Variants in CSMD1 observed in about 807,000 individuals in gnomAD.
CSMD1 encodes CUB and Sushi multiple domains 1.
In CSMD1, 213 loss-of-function variants were observed where a neutral mutation model predicts 417.5. The ratio of observed to expected loss-of-function variants is 0.51; its 90% CI spans 0.46 to 0.57. The LOEUF (loss-of-function observed/expected upper bound fraction) is 0.57, where lower values mean the gene tolerates loss of function less well. Among genes scored for constraint, CSMD1 ranks in the 20% least tolerant of loss-of-function variants. CSMD1 has a pLI of 0.00. For synonymous variants in CSMD1, 2,862 were observed against 1,736.8 expected, an observed-to-expected ratio of 1.65 and a Z score of -16.11; for missense variants, 6,923 against 4,529.7, an observed-to-expected ratio of 1.53 and a Z score of -15.17.
intron 12 of CSMD1, among the ~76,000 whole-genome samples, chr8:3,439,314 T>TTTTTTC (rs1814813365): frequency 7.4e-6 from 1 of 135,104 alleles, no homozygotes; most frequent in African/African-American, 2.8e-5. Flanking sequence ...TATATATTTT[T>TTTTTTC]TTTTTTAATA....
chr8:2,999,889 G>C (rs1807246107), intron 53 of CSMD1, 69 bp downstream of exon 53: 1 of 1,387,776 alleles, frequency 7.2e-7, no homozygotes, highest in Non-Finnish European at 9.9e-7. Flanking sequence ...TGTATATTGT[G>C]ACCTAATAAC....
At chr8:4,815,493 C>G (rs571856613) in intron 1 of CSMD1, among the ~76,000 whole-genome samples, 19 of 151,620 alleles carry the variant, frequency 1.3e-4, no homozygotes, top group Non-Finnish European at 2.5e-4. Flanking sequence ...GTCAGGAGAT[C>G]GAGACCAGCC....
chr8:4,239,154 C>G (rs1000484756), intron 3 of CSMD1, among the ~76,000 whole-genome samples: 5 of 152,198 alleles, frequency 3.3e-5, no homozygotes, highest in Admixed American at 6.5e-5. Context: ...AAAATCATTA[C>G]GTTCTCCACC....
At chr8:4,015,866 T>C (rs926856362) in intron 4 of CSMD1, among the ~76,000 whole-genome samples, 2 of 152,174 alleles carry the variant, frequency 1.3e-5, no homozygotes, top group Non-Finnish European at 2.9e-5. Context: ...TGCCGTTTTC[T>C]ATGGTTTACA....
At chr8:3,458,162 A>C (rs1585195006) in intron 12 of CSMD1, among the ~76,000 whole-genome samples, 2 of 152,290 alleles carry the variant, frequency 1.3e-5, no homozygotes, top group South Asian at 4.1e-4. Flanking sequence ...TTGACATGTA[A>C]TCTGTGAGGA....
chr8:4,655,684 G>A (rs1585401424), intron 1 of CSMD1, among the ~76,000 whole-genome samples: 1 of 151,932 alleles, frequency 6.6e-6, no homozygotes, highest in African/African-American at 2.4e-5. Flanking sequence ...TAATGGAAAA[G>A]GTAACTAGGA....
chr8:4,608,346 C>A (rs1363955669), intron 2 of CSMD1, among the ~76,000 whole-genome samples: 1 of 152,150 alleles, frequency 6.6e-6, no homozygotes, highest in East Asian at 1.9e-4. Context: ...CCCAGGTAGC[C>A]ACGGTGGTGG....
chr8:3,623,100 G>T (rs1563208017), intron 7 of CSMD1, among the ~76,000 whole-genome samples: 2 of 152,160 alleles, frequency 1.3e-5, no homozygotes, highest in Non-Finnish European at 2.9e-5. Context: ...ATTAAAGAAA[G>T]ATATGTAATT....
intron 5 of CSMD1, among the ~76,000 whole-genome samples, chr8:3,889,078 T>G (rs1806767279): frequency 6.6e-6 from 1 of 152,158 alleles, no homozygotes; most frequent in South Asian, 2.1e-4. Context: ...ATCTTTTTTC[T>G]GCTGGTGACC....
At chr8:3,794,186 A>C (rs1799910659) in intron 5 of CSMD1, among the ~76,000 whole-genome samples, 1 of 152,138 alleles carries the variant, frequency 6.6e-6, no homozygotes, top group African/African-American at 2.4e-5. Context: ...TCAAAGCTTG[A>C]GAAGCACTGG....
intron 7 of CSMD1, among the ~76,000 whole-genome samples, chr8:3,667,760 C>T (rs920332243): frequency 6.6e-6 from 1 of 152,104 alleles, no homozygotes; most frequent in Non-Finnish European, 1.5e-5. Flanking sequence ...GAAAAGCAAC[C>T]TTCAGGGAGC....
At chr8:4,257,010 C>G (rs1467749181) in intron 3 of CSMD1, among the ~76,000 whole-genome samples, 1 of 152,150 alleles carries the variant, frequency 6.6e-6, no homozygotes, top group Non-Finnish European at 1.5e-5. Context: ...CCAAATGATG[C>G]AAGCTACTGG....
At chr8:4,056,327 C>A (rs1798688404) in intron 3 of CSMD1, among the ~76,000 whole-genome samples, 1 of 151,694 alleles carries the variant, frequency 6.6e-6, no homozygotes, top group Non-Finnish European at 1.5e-5. Flanking sequence ...AGGTGATCCA[C>A]CCGCGTCAGC....
intron 1 of CSMD1, among the ~76,000 whole-genome samples, chr8:4,736,334 A>G (rs560326586): frequency 1.3e-5 from 2 of 152,306 alleles, no homozygotes; most frequent in East Asian, 3.9e-4. Context: ...TCTTGGAGAT[A>G]TTCAGATAAT....
chr8:4,429,076 A>C (rs1015547936), intron 2 of CSMD1, among the ~76,000 whole-genome samples: 2 of 151,986 alleles, frequency 1.3e-5, no homozygotes, highest in African/African-American at 4.8e-5. Context: ...ACAATGTCTC[A>C]GTATATATGT....
At chr8:4,350,894 A>G (rs1801053850) in intron 3 of CSMD1, among the ~76,000 whole-genome samples, 2 of 152,226 alleles carry the variant, frequency 1.3e-5, no homozygotes, top group South Asian at 2.1e-4. Context: ...AAGGATGTGC[A>G]TTCTAAGGTG....
At chr8:3,019,634 G>T (rs899704283) in intron 51 of CSMD1, among the ~76,000 whole-genome samples, 1 of 152,184 alleles carries the variant, frequency 6.6e-6, no homozygotes, top group Non-Finnish European at 1.5e-5. Flanking sequence ...CCTTAACTGG[G>T]TGTCGATGGG....
intron 40 of CSMD1, among the ~76,000 whole-genome samples, chr8:3,144,109 C>G (rs1818683847): frequency 6.6e-6 from 1 of 152,162 alleles, no homozygotes; most frequent in African/African-American, 2.4e-5. Context: ...GTCCGATTTG[C>G]CAACCAAGTT....
intron 6 of CSMD1, among the ~76,000 whole-genome samples, chr8:3,730,624 T>C (rs1166313817): frequency 4.6e-5 from 7 of 152,146 alleles, no homozygotes; most frequent in Non-Finnish European, 1.0e-4. Flanking sequence ...ACTTATGTCA[T>C]CCTCTAAAAA....
Sources: allele counts gnomAD v4.1 joint callset (sites outside exome capture counted in the v4.1 genomes callset), GRCh38; gene constraint gnomAD v4.1.1; transcripts MANE v1.5; gene names NCBI Gene and HGNC (gene_info 2026-07-23, HGNC 2026-07-21).